The following ADGRV1 variants were observed in gnomAD, a reference collection of about 807,000 sequenced individuals.
The protein encoded by ADGRV1 is G-protein coupled receptor 98.
Under a neutral mutation model 596.2 loss-of-function variants are expected in ADGRV1, and 359 were observed. That is an observed-to-expected ratio of 0.60 (90% confidence interval 0.55 to 0.66). ADGRV1 has a LOEUF of 0.66. ADGRV1 is among the 30% of genes least tolerant of loss of function. The probability of loss-of-function intolerance (pLI) is 0.00; values close to 1 mark genes in which losing one functional copy is unlikely to be tolerated. For synonymous variants in ADGRV1, 2,681 were observed against 2,679.2 expected (o/e 1.00, Z -0.02); for missense variants, 7,274 against 7,575.6 (o/e 0.96, Z 1.48).
chr5:90,575,073 TG>T (rs1419538074), intron 1 of ADGRV1, among the ~76,000 whole-genome samples: 1 of 152,104 alleles, frequency 6.6e-6, no homozygotes, highest in African/African-American at 2.4e-5. Context: ...GAATGAATTT[TG>T]CATCTTGATT....
At chr5:90,895,387 C>T (rs1581443127) in intron 83 of ADGRV1, among the ~76,000 whole-genome samples, 1 of 152,234 alleles carries the variant, frequency 6.6e-6, no homozygotes, top group East Asian at 1.9e-4. Context: ...CACTGTGGGG[C>T]TGACATGTGA....
intron 84 of ADGRV1, among the ~76,000 whole-genome samples, chr5:90,976,322 G>GTGTA (rs1420288881): frequency 1.3e-3 from 140 of 108,610 alleles, no homozygotes; most frequent in Middle Eastern, 5.0e-3. Flanking sequence ...GTGTGTGTGT[G>GTGTA]TATATATATA....
At chr5:90,876,373 A>ATTTACAATT (rs1276425598) in intron 83 of ADGRV1, among the ~76,000 whole-genome samples, 2 of 152,202 alleles carry the variant, frequency 1.3e-5, no homozygotes, top group Non-Finnish European at 2.9e-5. Context: ...TTAGAAGGGC[A>ATTTACAATT]ATATAAGCAT....
rs1212541246 is a variant in ADGRV1 at position 90,712,290 on chromosome 5, C to T, written c.9046C>T (p.Leu3016Phe). The T allele has an allele frequency of 6.6e-7, 1 of 1,524,100 alleles. No homozygotes were observed. The highest frequency in any genetic ancestry group is 1.4e-5 in the African/African-American group (1 of 72,058). The allele number at this position is 1,524,100 out of a possible 1,614,324, so 94.4% of individuals were successfully genotyped here. A position where few individuals can be genotyped will look rare whatever the true frequency, so the allele number is the denominator to read the frequency against. ...GLDYIFTPMI[L>F]HFADGERYKN... ...CTGCTTTTACCTTTTTGACCAGATT[C>T]TTCATTTTGCTGATGGAGAAAGGTA... Residue 3016 changes from leucine to phenylalanine, a missense_variant, in exon 42 of 90, where the codon CTT becomes TTT. Physicochemically the swap from Leu to Phe is conservative, Grantham distance 22. Around this residue, in one of 5 missense-constraint regions of ADGRV1, gnomAD observed 3,643 missense variants for 3,809.2 expected, o/e 0.96. Transcript: ENST00000405460.
intron 48 of ADGRV1, among the ~76,000 whole-genome samples, chr5:90,726,682 T>TGA (rs1554096525): frequency 6.6e-6 from 1 of 150,820 alleles, no homozygotes; most frequent in South Asian, 2.1e-4. Context: ...TGTGTGTGTG[T>TGA]GATCCTTCTC....
intron 85 of ADGRV1, among the ~76,000 whole-genome samples, chr5:91,030,065 A>G (rs1784347678): frequency 6.6e-6 from 1 of 152,154 alleles, no homozygotes; most frequent in South Asian, 2.1e-4. Context: ...TACTTGTCAT[A>G]TACTAAAATT....
intron 59 of ADGRV1, among the ~76,000 whole-genome samples, chr5:90,770,042 A>AC (rs1471098804): frequency 2.6e-5 from 4 of 152,100 alleles, no homozygotes; most frequent in African/African-American, 9.7e-5. Flanking sequence ...AATGGGTCTT[A>AC]CCCCCAGTAT....
intron 50 of ADGRV1, among the ~76,000 whole-genome samples, chr5:90,730,136 C>T (rs986781240): frequency 7.9e-5 from 12 of 152,116 alleles, no homozygotes; most frequent in Admixed American, 5.2e-4. Context: ...GGATTATAGG[C>T]GTGAGCCACC....
Position 90,784,061 on chromosome 5 carries a change from G to A in ADGRV1, c.13653+4G>A, listed in dbSNP as rs771292499. 2.5e-6 allele frequency: 4 copies of A among 1,586,016 alleles called. No homozygotes were observed. Among genetic ancestry groups the A allele is most frequent in the East Asian group, 2.2e-5 (1 of 44,618 alleles). ...AGGACTCTTGGGAGAGATTCAGGTA[G>A]ATTTATGTTCCCCATGACTTTAAAT... On this transcript the variant is annotated splice_donor_region_variant and intron_variant, in intron 67 of 89. Coordinates refer to ENST00000405460, the MANE Select transcript of ADGRV1 (RefSeq NM_032119.4).
chr5:90,595,530 ACCT>A (rs1263716824), intron 1 of ADGRV1, among the ~76,000 whole-genome samples: 1 of 105,176 alleles, frequency 9.5e-6, no homozygotes, highest in Non-Finnish European at 1.9e-5. Flanking sequence ...GGCGCCCCTC[ACCT>A]CCTGGACGGG....
At chr5:90,776,621 G>A (rs529143467) in intron 61 of ADGRV1, 45 bp downstream of exon 61, 1 of 1,591,324 alleles carries the variant, frequency 6.3e-7, no homozygotes, top group South Asian at 1.1e-5. Flanking sequence ...GGGTTACGAA[G>A]TTTTATTTAA....
intron 62 of ADGRV1, 128 bp downstream of exon 62, chr5:90,778,171 G>A: frequency 9.1e-7 from 1 of 1,097,054 alleles, no homozygotes; most frequent in Non-Finnish European, 1.3e-6. Flanking sequence ...TGGGGAGGAG[G>A]TAAATATTAC....
intron 70 of ADGRV1, chr5:90,791,549 AT>A: frequency 1.8e-6 from 1 of 546,880 alleles, no homozygotes; most frequent in Non-Finnish European, 3.2e-6. Flanking sequence ...GAGATAATAG[AT>A]TTTTGTGTAG....
chr5:90,980,113 T>C (rs1779963899), intron 84 of ADGRV1, among the ~76,000 whole-genome samples: 1 of 152,292 alleles, frequency 6.6e-6, no homozygotes, highest in Admixed American at 6.5e-5. Context: ...ACCTAGGTGA[T>C]CATGATATGC....
chr5:90,839,964 G>T (rs1765289243), intron 77 of ADGRV1, among the ~76,000 whole-genome samples: 1 of 152,136 alleles, frequency 6.6e-6, no homozygotes, highest in Non-Finnish European at 1.5e-5. Flanking sequence ...GTAAATAAAT[G>T]CACATTCCTT....
At chr5:90,795,086 GTT>G (rs35362542) in intron 70 of ADGRV1, among the ~76,000 whole-genome samples, 19 of 120,436 alleles carry the variant, frequency 1.6e-4, no homozygotes, top group South Asian at 3.2e-4. Context: ...AGCTGCAGAA[GTT>G]TTTTTTTTTT....
chr5:90,866,718 A>G (rs1768145780), intron 83 of ADGRV1, among the ~76,000 whole-genome samples: 1 of 152,080 alleles, frequency 6.6e-6, no homozygotes. Context: ...CTTTGAATAT[A>G]TCTTTCTACT....
rs553107547 is a variant in ADGRV1 at position 90,567,544 on chromosome 5, G to A, written c.22+8627G>A. ...CTTTTTGAGTCAATTTTGGATGTTC[G>A]TATCTTCCTAGGGATTTGTTTACTT... On this transcript the variant is annotated intron_variant, in intron 1 of 89. Transcript: ENST00000405460. Among the ~76,000 whole-genome samples the A allele has an allele frequency of 1.6e-4, 24 of 151,750 alleles. No homozygotes were observed. In the South Asian group the frequency reaches 2.5e-3, roughly 16 times the overall value.
chr5:90,889,426 A>G (rs1770598590), intron 83 of ADGRV1, among the ~76,000 whole-genome samples: 1 of 152,030 alleles, frequency 6.6e-6, no homozygotes, highest in Non-Finnish European at 1.5e-5. Flanking sequence ...GGAATGAGGA[A>G]GAGCTCAGGG....
Sources: allele counts gnomAD v4.1 joint callset (sites outside exome capture counted in the v4.1 genomes callset), GRCh38; gene constraint gnomAD v4.1.1; regional missense constraint gnomAD v4.1.1; transcripts MANE v1.5; gene names NCBI Gene and HGNC (gene_info 2026-07-23, HGNC 2026-07-21).